The following MCM2 variants were observed in gnomAD, a reference collection of about 807,000 sequenced individuals.
MCM2 encodes the protein minichromosome maintenance complex component 2.
A neutral mutation model predicts 86.4 loss-of-function variants in MCM2; 49 were observed. The observed-to-expected ratio is 0.57, with a 90% CI of 0.45 to 0.72. MCM2 has a LOEUF of 0.72. Ranked by LOEUF, MCM2 falls within the 30% of genes least tolerant of loss-of-function variation. The pLI is 0.00. For missense variants in MCM2, 1,038 were observed against 1,259.9 expected (o/e 0.82, Z 2.67); for synonymous variants, 475 against 484.6 (o/e 0.98, Z 0.26).
In MCM2 at chr3:127,619,110, C is replaced by T; in HGVS notation, c.2097C>T (p.Gly699=). Residue 699 remains glycine, a synonymous_variant, in exon 13 of 16, where the codon GGC becomes GGT. Coordinates refer to ENST00000265056, the MANE Select transcript of MCM2 (RefSeq NM_004526.4). ...SNKEEEGLAN[G]SAAEPAMPNT... ...AGGAGGAGGAGGGGCTGGCCAATGG[C>T]AGCGCTGCTGAGCCCGCCATGCCCA... 1.9e-6 allele frequency: 3 copies of T among 1,613,272 alleles called. No individual in the cohort carries two copies. The highest frequency in any genetic ancestry group is 2.2e-5 in the East Asian group (1 of 44,852).
chr3:127,615,938 G>A lies in MCM2; in HGVS notation c.1505G>A (p.Gly502Glu). Residue 502 changes from glycine to glutamate, a missense_variant, in exon 9 of 16, where the codon GGG becomes GAG. This residue lies in a region of MCM2 where 399 missense variants were observed against 507.2 expected (regional missense o/e 0.79). Coordinates refer to ENST00000265056, the MANE Select transcript of MCM2 (RefSeq NM_004526.4). The stretch of plus-strand genomic sequence containing the variant: ...GGCCTGGCTCTGGCCCTGTTCGGAG[G>A]GGAGCCCAAAAACCCAGGTGAGCAC... ...KRGLALALFG[G>E]EPKNPGGKHK... 1 of 1,614,162 alleles carries A rather than the reference G, an allele frequency of 6.2e-7. No homozygotes were observed. Among genetic ancestry groups the A allele is most frequent in the African/African-American group, 1.3e-5 (1 of 75,056 alleles).
chr3:127,614,341 T>C (rs774474039), intron 8 of MCM2, among the ~76,000 whole-genome samples: 1 of 108,136 alleles, frequency 9.2e-6, no homozygotes, highest in Non-Finnish European at 2.1e-5. Flanking sequence ...TCCAATATTC[T>C]GTTGTTGTTC....
Position 127,604,640 on chromosome 3 carries a change from A to G in MCM2, c.269A>G (p.Tyr90Cys). 3.1e-6 allele frequency: 5 copies of G among 1,613,348 alleles called. No homozygotes were observed. Among genetic ancestry groups the G allele is most frequent in the Admixed American group, 1.7e-5 (1 of 60,034 alleles). The change falls in exon 3 of 16, where the codon TAT becomes TGT. Residue 90 changes from tyrosine (Y) to cysteine (C), a missense_variant. Tyr to Cys is a radical substitution (Grantham distance 194, BLOSUM62 -2). This residue lies in a region of MCM2 where 300 missense variants were observed against 307.4 expected (regional missense o/e 0.98). Coordinates refer to ENST00000265056, the MANE Select transcript of MCM2 (RefSeq NM_004526.4). ...CGCGCCATCCCAGAGCTGGACGCCT[A>G]TGAGGCCGAGGGACTGGCTCTGGAT... is the stretch of plus-strand genomic sequence containing the variant. ...DYRAIPELDA[Y>C]EAEGLALDDE...
At chr3:127,610,677 G>A in intron 8 of MCM2, 2 of 422,414 alleles carry the variant, frequency 4.7e-6, no homozygotes, top group South Asian at 3.4e-5. Context: ...TGTATTGCGT[G>A]TCTTTGCATC....
intron 4 of MCM2, 120 bp downstream of exon 4, chr3:127,605,276 G>A (rs1202070323): frequency 7.4e-7 from 1 of 1,348,600 alleles, no homozygotes. Flanking sequence ...AGGTCTGTCA[G>A]AGAAACCAAA....
At chr3:127,608,585 G>A in intron 7 of MCM2, 69 bp downstream of exon 7, 2 of 1,589,498 alleles carry the variant, frequency 1.3e-6, no homozygotes, top group South Asian at 1.1e-5. Flanking sequence ...GTTGTGGCTG[G>A]GCCGGTGGCG....
intron 8 of MCM2, among the ~76,000 whole-genome samples, chr3:127,612,677 T>C (rs2074408374): frequency 6.6e-6 from 1 of 152,204 alleles, no homozygotes; most frequent in African/African-American, 2.4e-5. Flanking sequence ...ATGGTACCCA[T>C]GCAGGTGGGT....
intron 8 of MCM2, among the ~76,000 whole-genome samples, chr3:127,609,513 G>T (rs889556758): frequency 6.6e-6 from 1 of 151,986 alleles, no homozygotes; most frequent in Non-Finnish European, 1.5e-5. Context: ...GTCTCACTAC[G>T]TTGTCCAGGC....
intron 8 of MCM2, chr3:127,611,093 A>G (rs1228453535): frequency 5.1e-6 from 2 of 395,622 alleles, no homozygotes; most frequent in Non-Finnish European, 1.0e-5. Flanking sequence ...TGCGAGGAAG[A>G]CAGTCACACA....
intron 2 of MCM2, among the ~76,000 whole-genome samples, chr3:127,600,287 TAAATA>T (rs2074298225): frequency 6.6e-6 from 1 of 152,182 alleles, no homozygotes; most frequent in South Asian, 2.1e-4. Context: ...GTTTCAAAAA[TAAATA>T]AATAAATAAG....
At chr3:127,598,562 C>A in intron 1 of MCM2, 90 bp downstream of exon 1, 1 of 1,520,308 alleles carries the variant, frequency 6.6e-7, no homozygotes, top group Non-Finnish European at 8.9e-7. Flanking sequence ...CCCAGGGCGG[C>A]GCTCTGGGTG....
chr3:127,619,155 C>A lies in MCM2; in HGVS notation c.2142C>A (p.Pro714=). ...TGCCCAACACGTATGGCGTGGAGCCCCTGCCCCAGGAGGTCCTGAAGAAGT... is the reference window on the plus strand; with the variant it reads ...TGCCCAACACGTATGGCGTGGAGCCACTGCCCCAGGAGGTCCTGAAGAAGT... The part of the protein sequence containing the change: ...PAMPNTYGVE[P]LPQEVLKKYI... The change falls in exon 13 of 16, where the codon CCC becomes CCA. Residue 714 remains proline, a synonymous_variant. Coordinates refer to ENST00000265056, the MANE Select transcript of MCM2 (RefSeq NM_004526.4). 6.2e-7 allele frequency: 1 copy of A among 1,614,164 alleles called. No homozygotes were observed. Among genetic ancestry groups the A allele is most frequent in the South Asian group, 1.1e-5 (1 of 91,090 alleles).
chr3:127,607,238 G>A (rs1167062682), intron 6 of MCM2, among the ~76,000 whole-genome samples: 1 of 152,180 alleles, frequency 6.6e-6, no homozygotes, highest in Non-Finnish European at 1.5e-5. Flanking sequence ...TGGCTCACGT[G>A]GGGCCCCTGG....
At chr3:127,615,731 G>A (rs539637767) in intron 8 of MCM2, 131 bp from the exon 9 acceptor site, 12 of 684,996 alleles carry the variant, frequency 1.8e-5, no homozygotes, top group African/African-American at 1.6e-4. Flanking sequence ...AGGGCCTGAT[G>A]CAGTTGCAGC....
chr3:127,610,349 A>G (rs17496999), intron 8 of MCM2, among the ~76,000 whole-genome samples: 2 of 152,160 alleles, frequency 1.3e-5, no homozygotes, highest in African/African-American at 2.4e-5. Flanking sequence ...GCCTGGCTGC[A>G]GGAGGCCCTG....
chr3:127,611,565 T>C (rs1296630821), intron 8 of MCM2, among the ~76,000 whole-genome samples: 1 of 152,064 alleles, frequency 6.6e-6, no homozygotes, highest in Non-Finnish European at 1.5e-5. Flanking sequence ...CTCCCGTGTC[T>C]TGATGCCTGC....
chr3:127,610,840 T>G (rs1177344561), intron 8 of MCM2: 1 of 456,578 alleles, frequency 2.2e-6, no homozygotes, highest in Non-Finnish European at 4.4e-6. Flanking sequence ...TCCCAGCTCT[T>G]GGCCATCGAA....
In MCM2 at chr3:127,617,722, C is replaced by T; in HGVS notation, c.1901-247C>T. ...CAGCGAATGCGTAAAAGAACCCAGG[C>T]TCTGTCACCCACTGTGTTCTTGGTT... is the stretch of plus-strand genomic sequence containing the variant. On this transcript the variant is annotated intron_variant, in intron 11 of 15. Coordinates refer to ENST00000265056, the MANE Select transcript of MCM2 (RefSeq NM_004526.4). This position sits in a 1 kb window ranked among gnomAD's most constrained non-coding sequence, Gnocchi z 4.1. 1.7e-6 allele frequency: 1 copy of T among 587,684 alleles called. No homozygotes were observed. The highest frequency in any genetic ancestry group is 3.0e-6 in the Non-Finnish European group (1 of 330,228). 36.4% of individuals were successfully genotyped at this position (587,684 alleles called of 1,614,324 possible).
rs778656605 is a variant in MCM2 at position 127,606,303 on chromosome 3, C to T, written c.859C>T (p.His287Tyr). 5.0e-6 allele frequency: 8 copies of T among 1,614,288 alleles called. No homozygotes were observed. The highest frequency in any genetic ancestry group is 5.1e-6 in the Non-Finnish European group (6 of 1,180,052). ...CAACCACATCCATGTCCGCATCTCC[C>T]ACCTGCCTCTGGTGGAGGAGCTGCG... ...ITNHIHVRIS[H>Y]LPLVEELRSL... Residue 287 changes from histidine to tyrosine, a missense_variant, in exon 5 of 16, where the codon CAC becomes TAC. Physicochemically the swap from His to Tyr is moderately conservative, Grantham distance 83. Around this residue, in one of 4 missense-constraint regions of MCM2, gnomAD observed 399 missense variants for 507.2 expected, o/e 0.79. Coordinates refer to ENST00000265056, the MANE Select transcript of MCM2 (RefSeq NM_004526.4). The surrounding 1 kb of genome is among the most constrained non-coding windows in gnomAD (Gnocchi z 4.2).
Sources: allele counts gnomAD v4.1 joint callset (sites outside exome capture counted in the v4.1 genomes callset), GRCh38; gene constraint gnomAD v4.1.1; regional missense constraint gnomAD v4.1.1; non-coding constraint Gnocchi (gnomAD v3.1); transcripts MANE v1.5; gene names NCBI Gene and HGNC (gene_info 2026-07-23, HGNC 2026-07-21).